Variants in SLC7A1 observed in about 807,000 individuals in gnomAD.
The protein encoded by SLC7A1 is high affinity cationic amino acid transporter 1.
SLC7A1 carries 10 observed loss-of-function variants against 53.9 expected under a neutral mutation model. That is an observed-to-expected ratio of 0.19 (90% CI 0.11 to 0.31). The LOEUF (loss-of-function observed/expected upper bound fraction) is 0.31. Among genes scored for constraint, SLC7A1 ranks in the 10% least tolerant of loss-of-function variants. The probability of loss-of-function intolerance (pLI) is 1.00; values close to 1 mark genes in which losing one functional copy is unlikely to be tolerated. For missense variants in SLC7A1, 525 were observed against 827.2 expected, an observed-to-expected ratio of 0.63 and a Z score of 4.48; for synonymous variants, 342 against 338.7, an observed-to-expected ratio of 1.01 and a Z score of -0.11.
chr13:29,524,642 T>A (rs1704382823), intron 5 of SLC7A1, among the ~76,000 whole-genome samples: 2 of 152,176 alleles, frequency 1.3e-5, no homozygotes. Context: ...CAGCCAGTCC[T>A]ACCCCGGGTC....
intron 1 of SLC7A1, among the ~76,000 whole-genome samples, chr13:29,574,643 C>CTTTTTTTTT (rs60597221): frequency 1.6e-5 from 2 of 121,922 alleles, no homozygotes; most frequent in Non-Finnish European, 3.3e-5. Context: ...GCAGCTAATG[C>CTTTTTTTTT]TTTTTTTTTT....
chr13:29,517,464 A>G, intron 10 of SLC7A1, 109 bp downstream of exon 10: 2 of 1,218,196 alleles, frequency 1.6e-6, no homozygotes, highest in South Asian at 2.7e-5. Context: ...CCAGTCCAGG[A>G]GCAAGACAGA....
At chr13:29,574,391 G>GT (rs1271692225) in intron 1 of SLC7A1, among the ~76,000 whole-genome samples, 3 of 152,178 alleles carry the variant, frequency 2.0e-5, no homozygotes, top group Non-Finnish European at 4.4e-5. Flanking sequence ...GACGCTTAAT[G>GT]TTGCCTAGTG....
intron 1 of SLC7A1, among the ~76,000 whole-genome samples, chr13:29,559,801 C>T (rs1338703176): frequency 1.3e-5 from 2 of 151,782 alleles, no homozygotes; most frequent in African/African-American, 4.8e-5. Context: ...CTGCAAGCTC[C>T]GCCTCCCAGG....
chr13:29,585,734 C>T (rs1023119818), intron 1 of SLC7A1, among the ~76,000 whole-genome samples: 5 of 151,968 alleles, frequency 3.3e-5, no homozygotes, highest in Non-Finnish European at 5.9e-5. Context: ...ATCCCAAGTG[C>T]CTGAAGGAGG....
chr13:29,514,675 C>G (rs1384937760), intron 12 of SLC7A1, 92 bp from the exon 13 acceptor site: 5 of 952,328 alleles, frequency 5.3e-6, no homozygotes, highest in Non-Finnish European at 6.4e-6. Flanking sequence ...CACAGCAAAC[C>G]CTCTCAGGCG....
At chr13:29,562,022 G>T (rs1870781602) in intron 1 of SLC7A1, among the ~76,000 whole-genome samples, 1 of 152,186 alleles carries the variant, frequency 6.6e-6, no homozygotes, top group African/African-American at 2.4e-5. Flanking sequence ...GCTCACAAAT[G>T]GATGGTACTA....
intron 2 of SLC7A1, among the ~76,000 whole-genome samples, chr13:29,547,664 G>C (rs910274147): frequency 1.3e-5 from 2 of 152,164 alleles, no homozygotes; most frequent in African/African-American, 4.8e-5. Context: ...CTGAATTAAG[G>C]GAAAGAAAAT....
At chr13:29,570,814 T>C (rs1272216860) in intron 1 of SLC7A1, among the ~76,000 whole-genome samples, 1 of 149,874 alleles carries the variant, frequency 6.7e-6, no homozygotes, top group African/African-American at 2.5e-5. Flanking sequence ...GCCATGATCA[T>C]GCCACTGCAC....
In SLC7A1 at chr13:29,536,053, G is replaced by A. The variant is rs1869402237; in HGVS notation, c.136C>T (p.Leu46=). 6.2e-7 allele frequency: 1 copy of A among 1,614,040 alleles called. No individual in the cohort carries two copies. The highest frequency in any genetic ancestry group is 8.5e-7 in the Non-Finnish European group (1 of 1,180,048). The change falls in exon 3 of 13, where the codon CTG becomes TTG. Residue 46 remains leucine, a synonymous_variant. Transcript: ENST00000380752. The stretch of plus-strand genomic sequence containing the variant: ...GCCAGGACGTAGACACCAGCACCCA[G>A]TGTGCTGCCCACCCCGAGGGCCACC... ...DLVALGVGST[L]GAGVYVLAGA... is the part of the protein sequence containing the mutation.
chr13:29,537,125 A>C (rs1307970052), intron 2 of SLC7A1, among the ~76,000 whole-genome samples: 2 of 152,234 alleles, frequency 1.3e-5, no homozygotes, highest in Non-Finnish European at 2.9e-5. Context: ...TTTGCTCCCC[A>C]CATCTGAAGG....
rs147181012 is a variant in SLC7A1, at chr13:29,572,260, C to T, written c.-114-18400G>A. 1.4e-4 allele frequency among the ~76,000 whole-genome samples: 22 copies of T among 152,362 alleles called. No homozygotes were observed. The East Asian group carries it at 2.5e-3, about 17-fold the overall frequency. ...CCCAGAGAAGCCCAGTGGACCAGTG[C>T]GGGCCCCCCAGCCCTCAGGGCAGAG... On this transcript the variant is annotated intron_variant, in intron 1 of 12. Transcript: ENST00000380752.
intron 9 of SLC7A1, among the ~76,000 whole-genome samples, chr13:29,518,597 G>T (rs1868469015): frequency 6.6e-6 from 1 of 152,120 alleles, no homozygotes; most frequent in Non-Finnish European, 1.5e-5. Flanking sequence ...TCTAGCATTG[G>T]GCCCCTTGGG....
At chr13:29,514,606 G>T in intron 12 of SLC7A1, 23 bp from the exon 13 acceptor site, 5 of 1,564,156 alleles carry the variant, frequency 3.2e-6, no homozygotes, top group Non-Finnish European at 4.4e-6. Flanking sequence ...AGCAGAGACG[G>T]GCGTGAACAG....
At chr13:29,569,224 C>T (rs552539956) in intron 1 of SLC7A1, among the ~76,000 whole-genome samples, 4 of 152,050 alleles carry the variant, frequency 2.6e-5, no homozygotes, top group South Asian at 2.1e-4. Flanking sequence ...AGGAGTGAGG[C>T]GAAGGAGGAC....
chr13:29,516,350 G>C lies in SLC7A1; in HGVS notation c.1678-104C>G. The C allele has an allele frequency of 5.5e-6, 4 of 731,042 alleles. No homozygotes were observed. The South Asian group carries it at 7.0e-5, about 13-fold the overall frequency. 45.3% of individuals were successfully genotyped at this position (731,042 alleles called of 1,614,324 possible). A position where few individuals can be genotyped will look rare whatever the true frequency, so the allele number is the denominator to read the frequency against. ...AGCACAACTGAGAGTGACAGGGACC[G>C]TCGGGCGAGTGTGGGGAAGAGAGAG... On this transcript the variant is annotated intron_variant, in intron 11 of 12. Transcript: ENST00000380752.
chr13:29,538,727 G>A (rs1048811134), intron 2 of SLC7A1, among the ~76,000 whole-genome samples: 3 of 152,246 alleles, frequency 2.0e-5, no homozygotes, highest in East Asian at 1.9e-4. Flanking sequence ...AAACAATTGC[G>A]TGGATAGTAA....
intron 9 of SLC7A1, among the ~76,000 whole-genome samples, chr13:29,518,846 G>A (rs1310982137): frequency 6.6e-6 from 1 of 152,050 alleles, no homozygotes; most frequent in Non-Finnish European, 1.5e-5. Flanking sequence ...AGTGGGTGCT[G>A]AGGCAGGTGA....
At chr13:29,517,454 C>G (rs1868404079) in intron 10 of SLC7A1, 119 bp downstream of exon 10, 1 of 1,209,936 alleles carries the variant, frequency 8.3e-7, no homozygotes, top group African/African-American at 1.5e-5. Flanking sequence ...TAACTATGTC[C>G]CAGTCCAGGA....
Sources: allele counts gnomAD v4.1 joint callset (sites outside exome capture counted in the v4.1 genomes callset), GRCh38; gene constraint gnomAD v4.1.1; transcripts MANE v1.5; gene names NCBI Gene and HGNC (gene_info 2026-07-23, HGNC 2026-07-21).